Variants in ADGRL1 observed in about 807,000 individuals in gnomAD.
The protein encoded by ADGRL1 is CIRL-1.
ADGRL1 carries 31 observed loss-of-function variants against 148.9 expected under a neutral mutation model. The ratio of observed to expected loss-of-function variants is 0.21; its 90% CI spans 0.16 to 0.28. The LOEUF is 0.28. Ranked by LOEUF, ADGRL1 falls within the 10% of genes least tolerant of loss-of-function variation. The pLI, the probability that ADGRL1 is intolerant of heterozygous loss-of-function variation, is 1.00. For synonymous variants in ADGRL1, 937 were observed against 900.3 expected (o/e 1.04, Z -0.73); for missense variants, 1,521 against 2,058.8 (o/e 0.74, Z 5.05).
In ADGRL1 at chr19:14,163,174, T is replaced by A. The variant is rs1345701238; in HGVS notation, c.627A>T (p.Thr209=). Residue 209 remains threonine (T), a synonymous_variant, in exon 5 of 23, where the codon ACA becomes ACT. Coordinates refer to ENST00000361434, the MANE Select transcript of ADGRL1 (RefSeq NM_014921.5). The stretch of plus-strand genomic sequence containing the variant: ...CGGCACCATCGTAGACCACAAAGCC[T>A]GTGCCATCCACGCGGTTGGGCAGGC... ...TYRLPNRVDG[T]GFVVYDGAVF... is the part of the protein sequence containing the mutation. 8 of 1,613,764 alleles carry A rather than the reference T, an allele frequency of 5.0e-6. No individual in the cohort carries two copies. The highest frequency in any genetic ancestry group is 1.3e-5 in the African/African-American group (1 of 74,988).
intron 2 of ADGRL1, among the ~76,000 whole-genome samples, chr19:14,182,755 G>A (rs899587071): frequency 3.9e-5 from 6 of 152,212 alleles, no homozygotes; most frequent in African/African-American, 1.2e-4. Context: ...GGCAGAGAAC[G>A]TAGCAGCAGA....
intron 3 of ADGRL1, among the ~76,000 whole-genome samples, chr19:14,174,622 G>A (rs1970695665): frequency 6.8e-6 from 1 of 146,826 alleles, no homozygotes; most frequent in South Asian, 2.1e-4. Flanking sequence ...TGCAACCTCT[G>A]CCTCCAAGGT....
At chr19:14,153,582 A>ATTTTT (rs34163270) in intron 18 of ADGRL1, among the ~76,000 whole-genome samples, 1 of 128,430 alleles carries the variant, frequency 7.8e-6, no homozygotes, top group Non-Finnish European at 1.6e-5. Context: ...CACCTGGCTA[A>ATTTTT]TTTTTTTTTT....
At chr19:14,195,672 G>A (rs1185930822) in intron 1 of ADGRL1, among the ~76,000 whole-genome samples, 1 of 152,156 alleles carries the variant, frequency 6.6e-6, no homozygotes, top group East Asian at 1.9e-4. Flanking sequence ...GGAAGCCGCA[G>A]GCCCTGGGGT....
chr19:14,152,339 G>A lies in ADGRL1; in HGVS notation c.3619C>T (p.Pro1207Ser). The A allele has an allele frequency of 1.3e-6, 2 of 1,598,236 alleles. No homozygotes were observed. The highest frequency in any genetic ancestry group is 1.7e-6 in the Non-Finnish European group (2 of 1,170,290). Reference protein sequence around the residue: ...TLIAESVGFNPSSPPVFNSPG... With the variant: ...TLIAESVGFNSSSPPVFNSPG... ...GAGTTGAAGACAGGGGGCGAGGAGG[G>A]ATTGAAGCCCACTGACTCGGCGATG... The change falls in exon 21 of 23, where the codon CCC becomes TCC. Residue 1207 changes from proline (P) to serine (S), a missense_variant. This residue lies in a region of ADGRL1 where 390 missense variants were observed against 375.0 expected (regional missense o/e 1.04). Coordinates refer to ENST00000361434, the MANE Select transcript of ADGRL1 (RefSeq NM_014921.5). This position sits in a 1 kb window ranked among gnomAD's most constrained non-coding sequence, Gnocchi z 6.1.
chr19:14,160,333 GACTGTC>G lies in ADGRL1; in HGVS notation c.1615-42_1615-37del, dbSNP rs1342598891. The G allele has an allele frequency of 1.3e-6, 2 of 1,551,780 alleles. No individual in the cohort carries two copies. Among genetic ancestry groups the G allele is most frequent in the Admixed American group, 3.5e-5 (2 of 56,696 alleles). ...TGGGGGCGGGAAGGGGGAATCCCAG[GACTGTC>G]AGGGACCATCCTGCCCTCCCCGGCT... On this transcript the variant is annotated intron_variant, in intron 7 of 22. Transcript: ENST00000361434. This position sits in a 1 kb window ranked among gnomAD's most constrained non-coding sequence, Gnocchi z 5.9.
intron 1 of ADGRL1, chr19:14,191,483 C>T (rs1971936592): frequency 2.2e-6 from 1 of 456,198 alleles, no homozygotes; most frequent in Admixed American, 2.3e-5. Context: ...GTCACCTTCT[C>T]TATTAGCTCG....
chr19:14,177,805 C>T, intron 2 of ADGRL1, 61 bp from the exon 3 acceptor site: 1 of 1,473,456 alleles, frequency 6.8e-7, no homozygotes. Flanking sequence ...GAAGACCCTA[C>T]CCACTGCCAA....
At chr19:14,167,346 GCAGA>G in intron 4 of ADGRL1, among the ~76,000 whole-genome samples, 1 of 151,946 alleles carries the variant, frequency 6.6e-6, no homozygotes, top group South Asian at 2.1e-4. Flanking sequence ...GTACAGGCAG[GCAGA>G]CAGAGCCCTC....
Position 14,159,742 on chromosome 19 carries a change from T to A in ADGRL1, c.1832A>T (p.Tyr611Phe). 1.2e-6 allele frequency: 2 copies of A among 1,613,896 alleles called. No individual in the cohort carries two copies. Among genetic ancestry groups the A allele is most frequent in the Non-Finnish European group, 1.7e-6 (2 of 1,179,882 alleles). Residue 611 changes from tyrosine (Y) to phenylalanine (F), a missense_variant, in exon 9 of 23, where the codon TAT becomes TTT. Around this residue, in one of 8 missense-constraint regions of ADGRL1, gnomAD observed 265 missense variants for 431.9 expected, o/e 0.61. Coordinates refer to ENST00000361434, the MANE Select transcript of ADGRL1 (RefSeq NM_014921.5). The surrounding 1 kb of genome is among the most constrained non-coding windows in gnomAD (Gnocchi z 6.0). ...MHKRERTCKD[Y>F]IKAVVETVDN... Reference sequence around the variant, plus strand: ...GGACCCCCTGGGTCTCACCTTGATATAATCCTTACAAGTTCTCTCTCGCTT... The same window carrying A: ...GGACCCCCTGGGTCTCACCTTGATAAAATCCTTACAAGTTCTCTCTCGCTT...
In ADGRL1 at chr19:14,160,384, C is replaced by T. The variant is rs1413565312; in HGVS notation, c.1615-87G>A. 1.6e-6 allele frequency: 2 copies of T among 1,241,972 alleles called. No homozygotes were observed. Among genetic ancestry groups the T allele is most frequent in the East Asian group, 2.4e-5 (1 of 41,358 alleles). 76.9% of individuals were successfully genotyped at this position (1,241,972 alleles called of 1,614,324 possible). ...CCGGCTTCCCTGGCCTGTGCAGCCT[C>T]TCCTATCTCTCTCTCCACTTCCCCA... On this transcript the variant is annotated intron_variant, in intron 7 of 22. Coordinates refer to ENST00000361434, the MANE Select transcript of ADGRL1 (RefSeq NM_014921.5). The surrounding 1 kb of genome is among the most constrained non-coding windows in gnomAD (Gnocchi z 5.9).
intron 4 of ADGRL1, among the ~76,000 whole-genome samples, chr19:14,166,674 T>C (rs1970005687): frequency 6.9e-6 from 1 of 144,880 alleles, no homozygotes; most frequent in Admixed American, 6.8e-5. Context: ...TGGATGCTTA[T>C]ACACTTCTCC....
Position 14,161,225 on chromosome 19 carries a change from TAG to T in ADGRL1, c.1510+85_1510+86del. The T allele has an allele frequency of 7.7e-7, 1 of 1,303,484 alleles. No individual in the cohort carries two copies. The highest frequency in any genetic ancestry group is 1.0e-6 in the Non-Finnish European group (1 of 980,660). 80.7% of individuals were successfully genotyped at this position (1,303,484 alleles called of 1,614,324 possible). A position where few individuals can be genotyped will look rare whatever the true frequency, so the allele number is the denominator to read the frequency against. On this transcript the variant is annotated intron_variant, in intron 6 of 22. Transcript: ENST00000361434. The surrounding 1 kb of genome is among the most constrained non-coding windows in gnomAD (Gnocchi z 4.4). ...CCCTCAGAAAACCTCTGCTCCGCAGTAGAGACCCCCACCCACACATGCATCTG... is the reference window on the plus strand; with the variant it reads ...CCCTCAGAAAACCTCTGCTCCGCAGTAGACCCCCACCCACACATGCATCTG...
chr19:14,180,333 G>A (rs1027612610), intron 2 of ADGRL1, among the ~76,000 whole-genome samples: 17 of 152,100 alleles, frequency 1.1e-4, no homozygotes, highest in African/African-American at 4.1e-4. Context: ...TCAGCTCACT[G>A]CAACCTCTGC....
chr19:14,188,964 C>T (rs1464417147), intron 1 of ADGRL1, among the ~76,000 whole-genome samples: 1 of 151,966 alleles, frequency 6.6e-6, no homozygotes, highest in Non-Finnish European at 1.5e-5. Context: ...GTTGGCCAGG[C>T]TAGTCTGGAA....
Position 14,150,969 on chromosome 19 carries a change from C to T in ADGRL1, c.4314G>A (p.Val1438=). ...GGTAGCCCTCGTGGCTAGGACGCCG[C>T]ACCTGGTAGTAGCCCTGCAGGGGAT... The part of the protein sequence containing the change: ...ARNPLQGYYQ[V]RRPSHEGYLA... Residue 1438 remains valine, a synonymous_variant, in exon 23 of 23, where the codon GTG becomes GTA. Coordinates refer to ENST00000361434, the MANE Select transcript of ADGRL1 (RefSeq NM_014921.5). 6.2e-7 allele frequency: 1 copy of T among 1,603,164 alleles called. No individual in the cohort carries two copies.
In ADGRL1 at chr19:14,158,030, T is replaced by C; in HGVS notation, c.2387A>G (p.Asn796Ser). ...CTCCGAGTAGTTCCAGAAGGAGCAG[T>C]TAGCATTGAAGTGGTTCTTGTCCTG... ...HLEDKNHFNANCSFWNYSERS... is the reference protein window; with the variant it reads ...HLEDKNHFNASCSFWNYSERS... The change falls in exon 13 of 23, where the codon AAC (asparagine) becomes AGC (serine). Residue 796 changes from asparagine to serine, a missense_variant. Around this residue, in one of 8 missense-constraint regions of ADGRL1, gnomAD observed 265 missense variants for 431.9 expected, o/e 0.61. Coordinates refer to ENST00000361434, the MANE Select transcript of ADGRL1 (RefSeq NM_014921.5). 1 of 1,614,142 alleles carries C rather than the reference T, an allele frequency of 6.2e-7. No homozygotes were observed. The highest frequency in any genetic ancestry group is 1.3e-5 in the African/African-American group (1 of 75,050).
intron 2 of ADGRL1, among the ~76,000 whole-genome samples, chr19:14,182,585 C>T (rs1219671879): frequency 6.6e-6 from 1 of 152,088 alleles, no homozygotes; most frequent in African/African-American, 2.4e-5. Flanking sequence ...GCGGGGGGAA[C>T]ATTTCACATG....
Position 14,163,491 on chromosome 19 carries a change from AGAGAGAGG to A in ADGRL1, c.395-93_395-86del, listed in dbSNP as rs1161447443. ...GAGAGAGAGAGAGAGAGAGAGAGAG[AGAGAGAGG>A]GGGGAGAGAGGCAAGTTGGTCACGC... On this transcript the variant is annotated intron_variant, in intron 4 of 22. Coordinates refer to ENST00000361434, the MANE Select transcript of ADGRL1 (RefSeq NM_014921.5). 6.6e-5 allele frequency: 67 copies of A among 1,020,824 alleles called. No homozygotes were observed. In the African/African-American group the frequency reaches 9.3e-4, roughly 14 times the overall value. The allele number at this position is 1,020,824 out of a possible 1,614,324, so 63.2% of individuals were successfully genotyped here.
Sources: allele counts gnomAD v4.1 joint callset (sites outside exome capture counted in the v4.1 genomes callset), GRCh38; gene constraint gnomAD v4.1.1; regional missense constraint gnomAD v4.1.1; non-coding constraint Gnocchi (gnomAD v3.1); transcripts MANE v1.5; gene names NCBI Gene and HGNC (gene_info 2026-07-23, HGNC 2026-07-21).